Variants in HS3ST3A1 observed in about 807,000 individuals in gnomAD.
HS3ST3A1 encodes heparan sulfate-glucosamine 3-sulfotransferase 3A1.
Under a neutral mutation model 25.7 loss-of-function variants are expected in HS3ST3A1, and 19 were observed. That is an observed-to-expected ratio of 0.74 (90% CI 0.52 to 1.08). HS3ST3A1 has a LOEUF of 1.08. HS3ST3A1 is among the 50% of genes least tolerant of loss of function. The pLI is 0.00. For missense variants in HS3ST3A1, 459 were observed against 594.3 expected, an observed-to-expected ratio of 0.77 and a Z score of 2.37; for synonymous variants, 226 against 278.6, an observed-to-expected ratio of 0.81 and a Z score of 1.88.
At chr17:13,541,022 C>T (rs1218111260) in intron 1 of HS3ST3A1, among the ~76,000 whole-genome samples, 3 of 152,178 alleles carry the variant, frequency 2.0e-5, no homozygotes, top group African/African-American at 7.2e-5. Flanking sequence ...TGATATAATT[C>T]TCCCTACTGA....
At chr17:13,535,096 A>G (rs1460936764) in intron 1 of HS3ST3A1, among the ~76,000 whole-genome samples, 2 of 152,176 alleles carry the variant, frequency 1.3e-5, no homozygotes, top group Non-Finnish European at 2.9e-5. Context: ...ATGCTCCTAG[A>G]GGAAACATAG....
intron 1 of HS3ST3A1, among the ~76,000 whole-genome samples, chr17:13,598,699 C>T (rs571663308): frequency 6.6e-6 from 1 of 151,148 alleles, no homozygotes; most frequent in African/African-American, 2.4e-5. Context: ...TAAAAAACTA[C>T]TTGTGTTTCT....
In HS3ST3A1 at chr17:13,494,751, C is replaced by T. The variant is rs1040146462; in HGVS notation, c.*1446G>A. On this transcript the variant is annotated 3_prime_UTR_variant, in exon 2 of 2. Coordinates refer to ENST00000284110, the MANE Select transcript of HS3ST3A1 (RefSeq NM_006042.3). The stretch of plus-strand genomic sequence containing the variant: ...CATTAATGCTAATCTTGTTAATACC[C>T]ACTCAGAGAGGAAAGGAATACTGTT... Among the ~76,000 whole-genome samples the T allele has an allele frequency of 6.6e-6, 1 of 152,124 alleles. No individual in the cohort carries two copies. Among genetic ancestry groups the T allele is most frequent in the Non-Finnish European group, 1.5e-5 (1 of 68,024 alleles).
In HS3ST3A1 at chr17:13,503,192, G is replaced by A. The variant is rs111677891; in HGVS notation, c.600-6374C>T. ...CCATCTCAAAAAAAAAAAAAAAAAAGAAAAAAAAAGAGCTCCTATAAATCA... is the reference window on the plus strand; with the variant it reads ...CCATCTCAAAAAAAAAAAAAAAAAAAAAAAAAAAAGAGCTCCTATAAATCA... On this transcript the variant is annotated intron_variant, in intron 1 of 1. Coordinates refer to ENST00000284110, the MANE Select transcript of HS3ST3A1 (RefSeq NM_006042.3). Among the ~76,000 whole-genome samples, 1,004 of 124,208 alleles carry A rather than the reference G, an allele frequency of 8.1e-3. 5 individuals are homozygous for A. Among genetic ancestry groups the A allele is most frequent in the African/African-American group, 0.019 (612 of 32,434 alleles). 81.5% of individuals were successfully genotyped at this position (124,208 alleles called of 152,430 possible).
intron 1 of HS3ST3A1, among the ~76,000 whole-genome samples, chr17:13,555,752 A>T (rs1022938464): frequency 1.1e-4 from 17 of 152,310 alleles, no homozygotes; most frequent in African/African-American, 4.1e-4. Context: ...TCATTTAACT[A>T]CTTGAGATAA....
At chr17:13,584,578 G>A (rs1908202310) in intron 1 of HS3ST3A1, among the ~76,000 whole-genome samples, 2 of 151,188 alleles carry the variant, frequency 1.3e-5, no homozygotes, top group African/African-American at 2.4e-5. Context: ...AAGGAAGGAA[G>A]GAGGGAAGGA....
At chr17:13,600,371 AAGG>A (rs3080927) in intron 1 of HS3ST3A1, among the ~76,000 whole-genome samples, 157 bp downstream of exon 1, 15,910 of 152,212 alleles carry the variant, frequency 0.1, 980 homozygotes, top group Non-Finnish European at 0.14. Context: ...ACTTCCCAGG[AAGG>A]AGAAGGCGGA....
At chr17:13,524,699 C>A (rs868016689) in intron 1 of HS3ST3A1, among the ~76,000 whole-genome samples, 6 of 152,030 alleles carry the variant, frequency 3.9e-5, no homozygotes, top group South Asian at 2.1e-4. Flanking sequence ...AATTTCCTGG[C>A]TTTAATATGG....
intron 1 of HS3ST3A1, among the ~76,000 whole-genome samples, chr17:13,526,512 A>ATATATATATG: frequency 7.9e-6 from 1 of 126,724 alleles, no homozygotes; most frequent in Admixed American, 8.5e-5. Flanking sequence ...ATATATATAT[A>ATATATATATG]TATTATTGGG....
intron 1 of HS3ST3A1, among the ~76,000 whole-genome samples, chr17:13,578,299 G>C (rs1288907584): frequency 6.6e-6 from 1 of 151,182 alleles, no homozygotes; most frequent in Non-Finnish European, 1.5e-5. Flanking sequence ...TGTAATCTCA[G>C]AGCTTTGTGA....
intron 1 of HS3ST3A1, among the ~76,000 whole-genome samples, chr17:13,593,648 A>C (rs1344684166): frequency 6.6e-6 from 1 of 152,246 alleles, no homozygotes; most frequent in Non-Finnish European, 1.5e-5. Flanking sequence ...ACAGGATTTC[A>C]GTATGAGCCC....
rs57580843 is a variant in HS3ST3A1, at chr17:13,586,871, C to CAAA, written c.599+13657_599+13659dup. Among the ~76,000 whole-genome samples the CAAA allele has an allele frequency of 3.7e-3, 164 of 44,682 alleles. 43 individuals carry two copies. The highest frequency in any genetic ancestry group is 0.017 in the African/African-American group (122 of 7,026). The allele number at this position is 44,682 out of a possible 152,430, so 29.3% of individuals were successfully genotyped here. On this transcript the variant is annotated intron_variant, in intron 1 of 1. Transcript: ENST00000284110. ...GGCGACAGAGAGAGACTCTGTCTCA[C>CAAA]AAAAAAAAAAAAAAAAAAAAAAAAA...
chr17:13,551,740 A>AT (rs1907253425), intron 1 of HS3ST3A1, among the ~76,000 whole-genome samples: 1 of 152,210 alleles, frequency 6.6e-6, no homozygotes, highest in Admixed American at 6.5e-5. Flanking sequence ...CTTCCTGATC[A>AT]TATCAAATCC....
chr17:13,576,693 T>C (rs999036460), intron 1 of HS3ST3A1, among the ~76,000 whole-genome samples: 11 of 152,246 alleles, frequency 7.2e-5, no homozygotes, highest in African/African-American at 2.4e-4. Flanking sequence ...TAATAACACC[T>C]AACATCTGAG....
At chr17:13,565,511 T>C (rs1907655083) in intron 1 of HS3ST3A1, among the ~76,000 whole-genome samples, 1 of 151,900 alleles carries the variant, frequency 6.6e-6, no homozygotes, top group Non-Finnish European at 1.5e-5. Context: ...CAGCCTGGGC[T>C]ACAGAGTGAG....
At chr17:13,579,344 C>T (rs1908037649) in intron 1 of HS3ST3A1, among the ~76,000 whole-genome samples, 1 of 152,052 alleles carries the variant, frequency 6.6e-6, no homozygotes, top group South Asian at 2.1e-4. Flanking sequence ...AAAAGTATCC[C>T]TTATAATAGT....
At chr17:13,536,493 T>C (rs1404733870) in intron 1 of HS3ST3A1, among the ~76,000 whole-genome samples, 3 of 152,230 alleles carry the variant, frequency 2.0e-5, no homozygotes, top group Non-Finnish European at 4.4e-5. Context: ...CCCTCTGCAC[T>C]GTCACATGGT....
At chr17:13,498,010 C>A (rs1905337274) in intron 1 of HS3ST3A1, among the ~76,000 whole-genome samples, 1 of 152,130 alleles carries the variant, frequency 6.6e-6, no homozygotes, top group Admixed American at 6.6e-5. Context: ...TGAGACATGT[C>A]AAACATAAAC....
intron 1 of HS3ST3A1, among the ~76,000 whole-genome samples, chr17:13,499,566 G>A (rs547916938): frequency 6.6e-6 from 1 of 151,784 alleles, no homozygotes; most frequent in East Asian, 1.9e-4. Flanking sequence ...ACTTCACTTG[G>A]GAGCTCCTGG....
Sources: allele counts gnomAD v4.1 joint callset (sites outside exome capture counted in the v4.1 genomes callset), GRCh38; gene constraint gnomAD v4.1.1; transcripts MANE v1.5; gene names NCBI Gene and HGNC (gene_info 2026-07-23, HGNC 2026-07-21).